Variants in PLEKHA5 observed in about 807,000 individuals in gnomAD.
The protein encoded by PLEKHA5 is pleckstrin homology domain containing A5, also known as pleckstrin homology domain-containing family A member 5.
In PLEKHA5, 55 loss-of-function variants were observed where a neutral mutation model predicts 181.9. That is an observed-to-expected ratio of 0.30 (90% CI 0.24 to 0.38). The LOEUF is 0.38. Ranked by LOEUF, PLEKHA5 falls within the 10% of genes least tolerant of loss-of-function variation. The pLI is 1.00. For synonymous variants in PLEKHA5, 535 were observed against 529.4 expected (o/e 1.01, Z -0.15); for missense variants, 1,432 against 1,549.5 (o/e 0.92, Z 1.27).
chr12:19,285,665 A>G (rs951012551), intron 12 of PLEKHA5, among the ~76,000 whole-genome samples: 4 of 152,246 alleles, frequency 2.6e-5, no homozygotes, highest in African/African-American at 9.6e-5. Context: ...GATCCAGACT[A>G]TGCTAGTGGT....
intron 20 of PLEKHA5, among the ~76,000 whole-genome samples, chr12:19,331,383 T>A (rs567390706): frequency 6.6e-6 from 1 of 152,166 alleles, no homozygotes; most frequent in Non-Finnish European, 1.5e-5. Context: ...TAGAATTTTT[T>A]TGTAGAGATG....
chr12:19,173,469 A>C (rs74819957), intron 3 of PLEKHA5, among the ~76,000 whole-genome samples: 2 of 145,498 alleles, frequency 1.4e-5, no homozygotes, highest in African/African-American at 5.0e-5. Flanking sequence ...CCAAAAAAAA[A>C]AATGTGCTCC....
intron 3 of PLEKHA5, among the ~76,000 whole-genome samples, chr12:19,156,983 C>T (rs973528589): frequency 5.3e-5 from 8 of 151,592 alleles, no homozygotes; most frequent in African/African-American, 1.7e-4. Context: ...CGCTTGAACC[C>T]GGGAGCCAGA....
chr12:19,288,991 C>T (rs895208692), intron 13 of PLEKHA5, among the ~76,000 whole-genome samples: 7 of 152,142 alleles, frequency 4.6e-5, no homozygotes, highest in Non-Finnish European at 7.4e-5. Flanking sequence ...TTTCAGTATT[C>T]CTTGCGGTAT....
intron 31 of PLEKHA5, chr12:19,372,288 C>CTGATCT: frequency 6.6e-6 from 1 of 152,230 alleles, no homozygotes; most frequent in Admixed American, 6.5e-5. Flanking sequence ...CTGCACCCGG[C>CTGATCT]CAATTATGGC....
At chr12:19,284,850 T>G (rs1216261677) in intron 12 of PLEKHA5, among the ~76,000 whole-genome samples, 1 of 152,150 alleles carries the variant, frequency 6.6e-6, no homozygotes, top group African/African-American at 2.4e-5. Flanking sequence ...ATAGGATCAC[T>G]TGAACATGGA....
intron 3 of PLEKHA5, among the ~76,000 whole-genome samples, chr12:19,227,029 T>C (rs1433013118): frequency 1.3e-5 from 2 of 152,132 alleles, no homozygotes; most frequent in Non-Finnish European, 2.9e-5. Flanking sequence ...GTTCCATACC[T>C]CTTTTGTGAT....
At chr12:19,191,180 AC>A (rs1565446502) in intron 3 of PLEKHA5, among the ~76,000 whole-genome samples, 1 of 152,156 alleles carries the variant, frequency 6.6e-6, no homozygotes, top group African/African-American at 2.4e-5. Context: ...CTGGTAGCAA[AC>A]ATCCTGTTAA....
intron 29 of PLEKHA5, among the ~76,000 whole-genome samples, chr12:19,364,933 T>A (rs1249470471): frequency 6.6e-6 from 1 of 152,104 alleles, no homozygotes; most frequent in Admixed American, 6.6e-5. Context: ...GTGCTGTGAT[T>A]ACAGGCGTGA....
intron 3 of PLEKHA5, among the ~76,000 whole-genome samples, chr12:19,219,445 T>G (rs2058578425): frequency 6.6e-6 from 1 of 152,096 alleles, no homozygotes; most frequent in South Asian, 2.1e-4. Context: ...GTGTGTTGTT[T>G]TGGGAAACAA....
intron 5 of PLEKHA5, 111 bp downstream of exon 5, chr12:19,255,276 T>A (rs1592222263): frequency 1.6e-6 from 1 of 610,266 alleles, no homozygotes; most frequent in East Asian, 3.4e-5. Context: ...TATTATTACA[T>A]GAATTTGAAG....
rs1417997980 is a variant in PLEKHA5 at position 19,257,414 on chromosome 12, A to G, written c.433-19A>G. 8.1e-7 allele frequency: 1 copy of G among 1,234,886 alleles called. No individual in the cohort carries two copies. Among genetic ancestry groups the G allele is most frequent in the African/African-American group, 1.5e-5 (1 of 66,074 alleles). The allele number at this position is 1,234,886 out of a possible 1,614,324, so 76.5% of individuals were successfully genotyped here. A position where few individuals can be genotyped will look rare whatever the true frequency, so the allele number is the denominator to read the frequency against. On this transcript the variant is annotated intron_variant, in intron 5 of 31. Transcript: ENST00000429027. Reference sequence around the variant, plus strand: ...AGGCATTAATACCACATTTTCTGTCATGCTCTTTTTCTATTTAGACTTCAC... The same window carrying G: ...AGGCATTAATACCACATTTTCTGTCGTGCTCTTTTTCTATTTAGACTTCAC...
intron 3 of PLEKHA5, among the ~76,000 whole-genome samples, chr12:19,173,536 A>G (rs1424926729): frequency 6.6e-6 from 1 of 152,122 alleles, no homozygotes; most frequent in Non-Finnish European, 1.5e-5. Context: ...AGCTGGGAGC[A>G]GTGCTTTTTA....
intron 3 of PLEKHA5, among the ~76,000 whole-genome samples, chr12:19,166,299 G>A (rs56232263): frequency 0.098 from 14,924 of 152,128 alleles, 934 homozygotes; most frequent in African/African-American, 0.18. Context: ...TAATATTGAC[G>A]TCATCGAAAC....
intron 3 of PLEKHA5, among the ~76,000 whole-genome samples, chr12:19,179,619 C>T (rs995872056): frequency 7.9e-5 from 12 of 152,098 alleles, no homozygotes; most frequent in African/African-American, 2.2e-4. Flanking sequence ...AAGACTGCAC[C>T]GTTGGACTCC....
At chr12:19,217,880 A>G (rs946350584) in intron 3 of PLEKHA5, among the ~76,000 whole-genome samples, 2 of 152,230 alleles carry the variant, frequency 1.3e-5, no homozygotes, top group African/African-American at 4.8e-5. Flanking sequence ...AACAATATTT[A>G]CAAGCTTTCA....
intron 3 of PLEKHA5, among the ~76,000 whole-genome samples, chr12:19,214,152 T>C (rs1285210790): frequency 6.6e-6 from 1 of 152,120 alleles, no homozygotes; most frequent in Non-Finnish European, 1.5e-5. Context: ...CTAGCTGCTG[T>C]GTAAAGGAAT....
At chr12:19,226,766 T>C (rs2059750589) in intron 3 of PLEKHA5, among the ~76,000 whole-genome samples, 1 of 152,210 alleles carries the variant, frequency 6.6e-6, no homozygotes, top group African/African-American at 2.4e-5. Context: ...AACATACTTT[T>C]TAAGAACAGT....
intron 3 of PLEKHA5, among the ~76,000 whole-genome samples, chr12:19,222,163 ATACT>A (rs1403261747): frequency 2.0e-5 from 3 of 152,052 alleles, no homozygotes; most frequent in South Asian, 2.1e-4. Context: ...ATTTGTATAC[ATACT>A]TATATATATT....
Sources: gnomAD v4.1 joint callset for allele counts (sites outside exome capture counted in the v4.1 genomes callset) on GRCh38, gnomAD v4.1.1 for gene constraint, MANE v1.5 for transcripts, NCBI Gene and HGNC (gene_info 2026-07-23, HGNC 2026-07-21) for gene names.